IL1RAPL1: variants seen among roughly 807,000 people sequenced by gnomAD.
IL1RAPL1 encodes interleukin 1 receptor accessory protein like 1.
Under a neutral mutation model 48.4 loss-of-function variants are expected in IL1RAPL1, and 3 were observed. The observed-to-expected ratio is 0.06, with a 90% CI of 0.03 to 0.16. The LOEUF (loss-of-function observed/expected upper bound fraction) is 0.16, where lower values mean the gene tolerates loss of function less well. Among genes scored for constraint, IL1RAPL1 ranks in the 10% least tolerant of loss-of-function variants. IL1RAPL1 has a pLI of 1.00. For missense variants in IL1RAPL1, 349 were observed against 530.6 expected (o/e 0.66, Z 3.36); for synonymous variants, 185 against 187.7 (o/e 0.99, Z 0.12).
chrX:28,895,184 G>A (rs1260303545), intron 2 of IL1RAPL1, among the ~76,000 whole-genome samples: 1 of 110,837 alleles, frequency 9.0e-6, no homozygotes, highest in Non-Finnish European at 1.9e-5. Flanking sequence ...GGGGTGGGTA[G>A]GCAAAACAAT....
chrX:29,018,378 C>T (rs1296108739), intron 2 of IL1RAPL1, among the ~76,000 whole-genome samples: 1 of 111,928 alleles, frequency 8.9e-6, no homozygotes, highest in Non-Finnish European at 1.9e-5. Context: ...TCTAGGAATT[C>T]TGCGAGAACC....
intron 1 of IL1RAPL1, among the ~76,000 whole-genome samples, chrX:28,738,114 T>C (rs1362769814): frequency 1.8e-5 from 2 of 111,380 alleles, no homozygotes; most frequent in African/African-American, 6.5e-5. Flanking sequence ...AAATCACTAT[T>C]ATATACATTT....
intron 3 of IL1RAPL1, among the ~76,000 whole-genome samples, chrX:29,395,381 T>A (rs1249788397): frequency 8.9e-6 from 1 of 111,856 alleles, no homozygotes; most frequent in African/African-American, 3.2e-5. Context: ...TGACACATGA[T>A]CAGTGTTCAT....
chrX:29,764,637 T>TAA (rs1928835500), intron 6 of IL1RAPL1, among the ~76,000 whole-genome samples: 1 of 112,152 alleles, frequency 8.9e-6, no homozygotes, highest in South Asian at 3.7e-4. Context: ...GGACACACTT[T>TAA]AAAAAAATCT....
At chrX:28,708,563 G>A (rs1301953471) in intron 1 of IL1RAPL1, among the ~76,000 whole-genome samples, 1 of 111,723 alleles carries the variant, frequency 9.0e-6, no homozygotes, top group Non-Finnish European at 1.9e-5. Flanking sequence ...AAGTGTTCAT[G>A]AACAAATGAA....
rs748516132 is a variant in IL1RAPL1, at chrX:28,789,403, G to A, written c.60G>A (p.Lys20=). The change falls in exon 2 of 11, where the codon AAG becomes AAA. Residue 20 remains lysine (K), a synonymous_variant. Coordinates refer to ENST00000378993, the MANE Select transcript of IL1RAPL1 (RefSeq NM_014271.4). ...LLYATFTQSL[K]VVTKRGSADG... The stretch of plus-strand genomic sequence containing the variant: ...ACGCTACTTTTACTCAGAGTTTGAA[G>A]GTTGTGACCAAAAGAGGCTCCGGTA... 2.5e-6 allele frequency: 3 copies of A among 1,205,100 alleles called. No individual in the cohort carries two copies. In the South Asian group the frequency reaches 5.3e-5, roughly 21 times the overall value.
chrX:28,935,483 A>C (rs1332102661), intron 2 of IL1RAPL1, among the ~76,000 whole-genome samples: 2 of 111,791 alleles, frequency 1.8e-5, no homozygotes, highest in African/African-American at 3.3e-5. Flanking sequence ...TCGTTGACTT[A>C]TGTGTCCATC....
chrX:29,801,809 GGAGA>G (rs1929912652), intron 6 of IL1RAPL1, among the ~76,000 whole-genome samples: 1 of 111,353 alleles, frequency 9.0e-6, no homozygotes, highest in Non-Finnish European at 1.9e-5. Flanking sequence ...CAAAGGTTTT[GGAGA>G]GATACAAAAG....
intron 3 of IL1RAPL1, among the ~76,000 whole-genome samples, chrX:29,353,010 G>C (rs145615068): frequency 0.017 from 1,887 of 111,530 alleles, 33 homozygotes; most frequent in African/African-American, 0.058. Flanking sequence ...TTTAAACTCT[G>C]CTTTAGCTTT....
intron 1 of IL1RAPL1, among the ~76,000 whole-genome samples, chrX:28,656,842 C>T (rs1345552447): frequency 4.6e-5 from 5 of 109,333 alleles, no homozygotes; most frequent in South Asian, 4.0e-4. Context: ...CTGGCTAACA[C>T]GGTGAAACCC....
At chrX:29,399,106 A>T in intron 4 of IL1RAPL1, 49 bp from the exon 5 acceptor site, 2 of 1,016,131 alleles carry the variant, frequency 2.0e-6, no homozygotes, top group Non-Finnish European at 2.8e-6. Flanking sequence ...ACTGTTCTAT[A>T]TTTTTCCATT....
intron 6 of IL1RAPL1, among the ~76,000 whole-genome samples, chrX:29,803,078 T>C (rs1930054263): frequency 1.1e-5 from 1 of 88,964 alleles, no homozygotes; most frequent in South Asian, 5.2e-4. Flanking sequence ...CATGTATACA[T>C]ATATGTGTAT....
chrX:29,460,655 T>C (rs976015569), intron 5 of IL1RAPL1, among the ~76,000 whole-genome samples: 2 of 112,320 alleles, frequency 1.8e-5, no homozygotes, highest in African/African-American at 3.2e-5. Context: ...ATTAATATTA[T>C]TACATACAAT....
intron 6 of IL1RAPL1, among the ~76,000 whole-genome samples, chrX:29,892,055 T>C (rs1932284185): frequency 8.9e-6 from 1 of 112,191 alleles, no homozygotes; most frequent in South Asian, 3.7e-4. Context: ...AAAAGTTAAA[T>C]ATAACATTGT....
chrX:28,915,788 T>C (rs1923474995), intron 2 of IL1RAPL1, among the ~76,000 whole-genome samples: 1 of 111,476 alleles, frequency 9.0e-6, no homozygotes, highest in African/African-American at 3.3e-5. Context: ...TAAATTACAA[T>C]TCAACAGCAC....
intron 5 of IL1RAPL1, among the ~76,000 whole-genome samples, chrX:29,607,390 A>G (rs1310333779): frequency 8.9e-6 from 1 of 112,047 alleles, no homozygotes; most frequent in African/African-American, 3.2e-5. Flanking sequence ...TTCCTTTCCT[A>G]TCTTGAAATG....
At chrX:28,629,197 G>A (rs915920600) in intron 1 of IL1RAPL1, among the ~76,000 whole-genome samples, 9 of 111,782 alleles carry the variant, frequency 8.1e-5, no homozygotes, top group African/African-American at 2.9e-4. Context: ...CAATTGGAAA[G>A]TAGGAGAATA....
intron 8 of IL1RAPL1, among the ~76,000 whole-genome samples, chrX:29,920,794 CAAAAAAAAAAA>C (rs1176529100): frequency 9.5e-5 from 3 of 31,636 alleles, no homozygotes; most frequent in African/African-American, 1.3e-4. Flanking sequence ...GACCCTGTCT[CAAAAAAAAAAA>C]AAAAAAAAAA....
rs7063877 is a variant in IL1RAPL1, at chrX:28,597,422, T to C, written c.-25+9375T>C. On this transcript the variant is annotated intron_variant, in intron 1 of 10. Transcript: ENST00000378993. Reference sequence around the variant, plus strand: ...ATCACTGGCTCTCTTCATTTTCCTCTTTCTTTCTTCCTTTCAAAGAAGAAA... The same window carrying C: ...ATCACTGGCTCTCTTCATTTTCCTCCTTCTTTCTTCCTTTCAAAGAAGAAA... Among the ~76,000 whole-genome samples the C allele has an allele frequency of 8.9e-3, 992 of 111,823 alleles. 10 individuals are homozygous for C. The highest frequency in any genetic ancestry group is 0.03 in the African/African-American group (936 of 30,767).
Sources: gnomAD v4.1 joint callset for allele counts (sites outside exome capture counted in the v4.1 genomes callset) on GRCh38, gnomAD v4.1.1 for gene constraint, MANE v1.5 for transcripts, NCBI Gene and HGNC (gene_info 2026-07-23, HGNC 2026-07-21) for gene names.